Variants in INTS6 observed in about 807,000 individuals in gnomAD.
INTS6 encodes the protein DEAD box protein.
A neutral mutation model predicts 104.9 loss-of-function variants in INTS6; 16 were observed. The observed-to-expected ratio is 0.15, with a 90% CI of 0.10 to 0.23. The LOEUF is 0.23. Ranked by LOEUF, INTS6 falls within the 10% of genes least tolerant of loss-of-function variation. The probability of loss-of-function intolerance (pLI) is 1.00; values close to 1 mark genes in which losing one functional copy is unlikely to be tolerated. For missense variants in INTS6, 584 were observed against 1,062.8 expected (o/e 0.55, Z 6.26); for synonymous variants, 324 against 358.7 (o/e 0.90, Z 1.09).
At chr13:51,386,819 A>G (rs1956147693) in intron 7 of INTS6, among the ~76,000 whole-genome samples, 1 of 152,180 alleles carries the variant, frequency 6.6e-6, no homozygotes, top group African/African-American at 2.4e-5. Flanking sequence ...ATTAATTTGT[A>G]TAAATGTACC....
chr13:51,399,529 T>A (rs998672972), intron 4 of INTS6, among the ~76,000 whole-genome samples: 1 of 152,252 alleles, frequency 6.6e-6, no homozygotes, highest in African/African-American at 2.4e-5. Context: ...CTGTTGAGTA[T>A]ATACCTAGTT....
Position 51,366,943 on chromosome 13 carries a change from C to T in INTS6, c.2570+862G>A, listed in dbSNP as rs574874551. 3.3e-5 allele frequency among the ~76,000 whole-genome samples: 5 copies of T among 152,072 alleles called. No individual in the cohort carries two copies. The East Asian group carries it at 7.7e-4, about 23-fold the overall frequency. The stretch of plus-strand genomic sequence containing the variant: ...GGAAAATAAAAAATGTTTTTAAACT[C>T]ATACAACTATGTTTTCCAGTTAATT... On this transcript the variant is annotated intron_variant, in intron 17 of 17. Transcript: ENST00000311234.
At chr13:51,348,419 G>A in the INTS6 span, 1 of 1,610,424 alleles carries the variant, frequency 6.2e-7, no homozygotes, top group African/African-American at 1.3e-5. Context: ...CAGGTGAGCA[G>A]CTGAGTCCCC....
At chr13:51,390,534 A>T (rs1956227743) in intron 5 of INTS6, among the ~76,000 whole-genome samples, 1 of 152,038 alleles carries the variant, frequency 6.6e-6, no homozygotes, top group African/African-American at 2.4e-5. Context: ...CTTTGGCCAA[A>T]TATTTTGCAA....
chr13:51,369,378 A>G, intron 15 of INTS6, 68 bp from the exon 16 acceptor site: 1 of 1,444,202 alleles, frequency 6.9e-7, no homozygotes, highest in Non-Finnish European at 9.3e-7. Context: ...ATAAAGCTAC[A>G]AAAGAACATT....
chr13:51,359,566 CAG>C (rs748713145), downstream of INTS6, among the ~76,000 whole-genome samples: 1 of 152,046 alleles, frequency 6.6e-6, no homozygotes, highest in Non-Finnish European at 1.5e-5. Context: ...CCCATCTAAC[CAG>C]ACTCATCCAC....
chr13:51,372,620 G>A (rs1955833247), intron 15 of INTS6, among the ~76,000 whole-genome samples: 1 of 152,096 alleles, frequency 6.6e-6, no homozygotes, highest in South Asian at 2.1e-4. Context: ...ATCTCCACTT[G>A]ATGACCTAAT....
At chr13:51,335,121 G>T in the INTS6 span, among the ~76,000 whole-genome samples, 3 of 152,074 alleles carry the variant, frequency 2.0e-5, no homozygotes, top group African/African-American at 7.2e-5. Context: ...CATGAGAGAA[G>T]GGTCACTACA....
At position 51,362,116 on chromosome 13, in the gene INTS6, G is replaced by T; in HGVS notation, c.*3636C>A. 1.4e-6 allele frequency: 2 copies of T among 1,432,648 alleles called. No individual in the cohort carries two copies. The highest frequency in any genetic ancestry group is 1.8e-6 in the Non-Finnish European group (2 of 1,089,908). 88.7% of individuals were successfully genotyped at this position (1,432,648 alleles called of 1,614,324 possible). On this transcript the variant is annotated 3_prime_UTR_variant, in exon 18 of 18. Transcript: ENST00000311234. ...TGTTTTTTACCTTCTCATTCTCTCA[G>T]CTCATATATAGTTAATGTAGATTTT... is the stretch of plus-strand genomic sequence containing the variant.
At chr13:51,414,839 C>CACAA (rs1956757473) in intron 4 of INTS6, among the ~76,000 whole-genome samples, 1 of 145,634 alleles carries the variant, frequency 6.9e-6, no homozygotes, top group African/African-American at 2.5e-5. Flanking sequence ...TCTATACACA[C>CACAA]ACACACACAC....
At chr13:51,335,335 G>C in the INTS6 span, among the ~76,000 whole-genome samples, 1 of 152,170 alleles carries the variant, frequency 6.6e-6, no homozygotes, top group Non-Finnish European at 1.5e-5. Flanking sequence ...AAAATGGATA[G>C]AGGGTATAAA....
At chr13:51,429,657 G>A (rs1388743940) in intron 4 of INTS6, among the ~76,000 whole-genome samples, 3 of 150,212 alleles carry the variant, frequency 2.0e-5, no homozygotes, top group African/African-American at 7.4e-5. Flanking sequence ...CCAGTTACTC[G>A]GGAGGCTGAG....
rs778957486 is a variant in INTS6 at position 51,423,068 on chromosome 13, T to C, written c.429+7226A>G. 1.3e-5 allele frequency: 17 copies of C among 1,283,326 alleles called. No homozygotes were observed. In the South Asian group the frequency reaches 2.1e-4, roughly 16 times the overall value. 79.5% of individuals were successfully genotyped at this position (1,283,326 alleles called of 1,614,324 possible). A position where few individuals can be genotyped will look rare whatever the true frequency, so the allele number is the denominator to read the frequency against. ...TAATACGTTTTCTAGCCTTGCTTAA[T>C]TCCATCTGTGTGTCCCCAGTACCTA... On this transcript the variant is annotated intron_variant, in intron 4 of 17. Transcript: ENST00000311234.
chr13:51,384,361 T>C, intron 7 of INTS6: 1 of 234,512 alleles, frequency 4.3e-6, no homozygotes, highest in Non-Finnish European at 8.5e-6. Flanking sequence ...GGCATGTTAC[T>C]CCCCAATCTA....
Position 51,361,702 on chromosome 13 carries a change from C to T in INTS6, c.*4050G>A. 3 of 953,552 alleles carry T rather than the reference C, an allele frequency of 3.1e-6. No homozygotes were observed. Among genetic ancestry groups the T allele is most frequent in the East Asian group, 2.6e-5 (1 of 38,062 alleles). The allele number at this position is 953,552 out of a possible 1,614,324, so 59.1% of individuals were successfully genotyped here. A position where few individuals can be genotyped will look rare whatever the true frequency, so the allele number is the denominator to read the frequency against. On this transcript the variant is annotated 3_prime_UTR_variant, in exon 18 of 18. Transcript: ENST00000311234. ...CATCACAACAGTAAACAATCAAATG[C>T]CATTAGGATGCTTTGATTTCTTAAA...
At chr13:51,451,706 C>T in intron 2 of INTS6, 1 of 190,352 alleles carries the variant, frequency 5.3e-6, no homozygotes. Context: ...GAAATGTCGG[C>T]CATGTTGATA....
intron 4 of INTS6, among the ~76,000 whole-genome samples, chr13:51,407,751 G>A (rs1956598888): frequency 6.6e-6 from 1 of 152,056 alleles, no homozygotes; most frequent in South Asian, 2.1e-4. Context: ...TTTCTGTACG[G>A]TATGGCCAGG....
intron 3 of INTS6, among the ~76,000 whole-genome samples, chr13:51,431,667 C>T (rs772878161): frequency 3.9e-5 from 6 of 152,038 alleles, no homozygotes; most frequent in Non-Finnish European, 5.9e-5. Flanking sequence ...TGTAATAGAT[C>T]GTCTTGATCA....
chr13:51,395,498 G>A lies in INTS6; in HGVS notation c.430-15C>T, dbSNP rs377350571. On this transcript the variant is annotated splice_polypyrimidine_tract_variant and intron_variant, in intron 4 of 17. Transcript: ENST00000311234. Reference sequence around the variant, plus strand: ...GGTAAATGAAGCTGAAAGTAGGGGGGAAAAACAGTAATAAGAATTCCACAG... The same window carrying A: ...GGTAAATGAAGCTGAAAGTAGGGGGAAAAAACAGTAATAAGAATTCCACAG... The A allele has an allele frequency of 4.6e-5, 74 of 1,599,102 alleles. 1 individual carries two copies. The South Asian group carries it at 5.2e-4, about 11-fold the overall frequency.
Sources: gnomAD v4.1 joint callset for allele counts (sites outside exome capture counted in the v4.1 genomes callset) on GRCh38, gnomAD v4.1.1 for gene constraint, MANE v1.5 for transcripts, NCBI Gene and HGNC (gene_info 2026-07-23, HGNC 2026-07-21) for gene names.